The following SCGN variants were observed in gnomAD, a reference collection of about 807,000 sequenced individuals.
SCGN encodes the protein secretagogin.
In SCGN, 30 loss-of-function variants were observed where a neutral mutation model predicts 39.7. The observed-to-expected ratio is 0.76, with a 90% CI of 0.57 to 1.03. SCGN has a LOEUF of 1.03. SCGN is among the 50% of genes least tolerant of loss of function. The pLI is 0.00. For synonymous variants in SCGN, 106 were observed against 114.1 expected (o/e 0.93, Z 0.45); for missense variants, 353 against 349.4 (o/e 1.01, Z -0.08).
At chr6:25,684,294 A>G (rs985311203) in intron 7 of SCGN, among the ~76,000 whole-genome samples, 1 of 152,182 alleles carries the variant, frequency 6.6e-6, no homozygotes, top group Non-Finnish European at 1.5e-5. Context: ...GAAAGGCAGC[A>G]AAATCAGTTA....
chr6:25,691,338 A>G (rs1246026564), intron 10 of SCGN, among the ~76,000 whole-genome samples: 1 of 152,208 alleles, frequency 6.6e-6, no homozygotes, highest in Non-Finnish European at 1.5e-5. Context: ...TCATACAAGT[A>G]TGTTTTTACC....
chr6:25,691,168 G>T, intron 10 of SCGN, 44 bp downstream of exon 10: 2 of 1,392,692 alleles, frequency 1.4e-6, no homozygotes, highest in South Asian at 1.2e-5. Flanking sequence ...TTGTTGTTTT[G>T]ATTTATTCCA....
rs142698424 is a variant in SCGN at position 25,689,571 on chromosome 6, G to C, written c.633+39G>C. 3.3e-5 allele frequency: 51 copies of C among 1,567,320 alleles called. No homozygotes were observed. In the Middle Eastern group the frequency reaches 5.0e-4, roughly 15 times the overall value. The stretch of plus-strand genomic sequence containing the variant: ...TTTATACTGTGCTGGCCATCTCTGA[G>C]TAGGAAACTTATTTAACCCCTATGT... On this transcript the variant is annotated intron_variant, in intron 9 of 10. Transcript: ENST00000377961.
At position 25,670,043 on chromosome 6, in the gene SCGN, T is replaced by A. The variant is rs773326786; in HGVS notation, c.438T>A (p.Ser146=). 9 of 1,613,718 alleles carry A rather than the reference T, an allele frequency of 5.6e-6. No homozygotes were observed. Among genetic ancestry groups the A allele is most frequent in the Non-Finnish European group, 7.6e-6 (9 of 1,179,806 alleles). The change falls in exon 6 of 11, where the codon TCT becomes TCA. Residue 146 remains serine (S), a synonymous_variant. Coordinates refer to ENST00000377961, the MANE Select transcript of SCGN (RefSeq NM_006998.4). ...DLFLHHKKAI[S]EAKLEEYTGT... is the part of the protein sequence containing the mutation. ...TTCTTCACCACAAAAAGGCCATTTCTGAGGCTAAACTGGAAGAATACACTG... is the reference window on the plus strand; with the variant it reads ...TTCTTCACCACAAAAAGGCCATTTCAGAGGCTAAACTGGAAGAATACACTG...
intron 6 of SCGN, among the ~76,000 whole-genome samples, chr6:25,673,127 A>G (rs1406569305): frequency 2.0e-5 from 3 of 152,034 alleles, no homozygotes; most frequent in Non-Finnish European, 2.9e-5. Flanking sequence ...AATAAGGAAC[A>G]TTTGTCTTTG....
chr6:25,689,417 T>C (rs1759748371), intron 8 of SCGN, 56 bp from the exon 9 acceptor site: 10 of 1,527,194 alleles, frequency 6.5e-6, no homozygotes, highest in East Asian at 2.3e-5. Flanking sequence ...TCTGGAAGAA[T>C]TGTACAGCTG....
At chr6:25,692,042 C>T (rs1759779726) in intron 10 of SCGN, among the ~76,000 whole-genome samples, 1 of 152,188 alleles carries the variant, frequency 6.6e-6, no homozygotes, top group South Asian at 2.1e-4. Context: ...GAGACATCGT[C>T]CGTGATTCCT....
chr6:25,697,843 T>TA (rs1404709377), intron 10 of SCGN, among the ~76,000 whole-genome samples: 1 of 152,208 alleles, frequency 6.6e-6, no homozygotes, highest in Non-Finnish European at 1.5e-5. Context: ...AGTGTAGTGA[T>TA]AAAAAATATA....
chr6:25,677,606 T>C (rs1312488794), intron 6 of SCGN, among the ~76,000 whole-genome samples: 1 of 152,242 alleles, frequency 6.6e-6, no homozygotes, highest in African/African-American at 2.4e-5. Context: ...AGATAGTCTA[T>C]TGCATATAGT....
chr6:25,694,891 G>A (rs1374378238), intron 10 of SCGN, among the ~76,000 whole-genome samples: 2 of 152,118 alleles, frequency 1.3e-5, no homozygotes, highest in South Asian at 2.1e-4. Context: ...TTATAAAAAA[G>A]GGCCATGGGA....
chr6:25,692,545 C>G (rs1759785913), intron 10 of SCGN, among the ~76,000 whole-genome samples: 1 of 152,218 alleles, frequency 6.6e-6, no homozygotes, highest in Non-Finnish European at 1.5e-5. Context: ...TCACAGTGAG[C>G]AGTCAGTCAT....
chr6:25,669,676 A>T (rs1283560967), intron 5 of SCGN, 109 bp downstream of exon 5: 12 of 915,492 alleles, frequency 1.3e-5, no homozygotes, highest in Non-Finnish European at 2.1e-5. Context: ...TGAATATGTG[A>T]CTCAAAAAAT....
At chr6:25,659,214 T>A (rs547317470) in intron 2 of SCGN, among the ~76,000 whole-genome samples, 5 of 152,320 alleles carry the variant, frequency 3.3e-5, no homozygotes, top group African/African-American at 1.2e-4. Context: ...TCTTATAATA[T>A]CTAAAGCTTG....
chr6:25,666,027 ATT>A lies in SCGN; in HGVS notation c.336+997_336+998del, dbSNP rs1171626396. On this transcript the variant is annotated intron_variant, in intron 4 of 10. Transcript: ENST00000377961. The stretch of plus-strand genomic sequence containing the variant: ...TTTCATTATCCACAGTTATTTATTT[ATT>A]TATTTATTTATTTAAAAAACTTTGT... Among the ~76,000 whole-genome samples, 81 of 151,860 alleles carry A rather than the reference ATT, an allele frequency of 5.3e-4. No homozygotes were observed. In the East Asian group the frequency reaches 0.015, roughly 29 times the overall value.
intron 7 of SCGN, among the ~76,000 whole-genome samples, chr6:25,684,986 T>C (rs552903392): frequency 3.3e-5 from 5 of 152,080 alleles, no homozygotes; most frequent in Middle Eastern, 3.4e-3. Flanking sequence ...ATAACAAAGA[T>C]CCTTTAAATA....
At chr6:25,661,482 A>C (rs138224625) in intron 2 of SCGN, 70 bp from the exon 3 acceptor site, 1 of 1,035,430 alleles carries the variant, frequency 9.7e-7, no homozygotes, top group Non-Finnish European at 1.5e-6. Context: ...TATATTTTGA[A>C]TATTTGCCAT....
Position 25,701,409 on chromosome 6 carries a change from T to C in SCGN, c.*74T>C. 5 of 1,550,942 alleles carry C rather than the reference T, an allele frequency of 3.2e-6. No individual in the cohort carries two copies. Among genetic ancestry groups the C allele is most frequent in the Non-Finnish European group, 4.4e-6 (5 of 1,145,146 alleles). On this transcript the variant is annotated 3_prime_UTR_variant, in exon 11 of 11. Transcript: ENST00000377961. ...TGGTAGAATTGTATCTGTGCATTGA[T>C]GTTGGGAACACAGTGGGCAAACTCA...
chr6:25,659,636 A>C (rs1022653121), intron 2 of SCGN, among the ~76,000 whole-genome samples: 1 of 152,198 alleles, frequency 6.6e-6, no homozygotes, highest in African/African-American at 2.4e-5. Flanking sequence ...CAATGGATAA[A>C]ATTATCATGA....
At chr6:25,655,842 A>G (rs1204820583) in intron 2 of SCGN, among the ~76,000 whole-genome samples, 1 of 152,068 alleles carries the variant, frequency 6.6e-6, no homozygotes, top group African/African-American at 2.4e-5. Flanking sequence ...AATTAGGCCA[A>G]TCCCACTGAG....
Sources: gnomAD v4.1 joint callset for allele counts (sites outside exome capture counted in the v4.1 genomes callset) on GRCh38, gnomAD v4.1.1 for gene constraint, MANE v1.5 for transcripts, NCBI Gene and HGNC (gene_info 2026-07-23, HGNC 2026-07-21) for gene names.